Variants in WNT5B observed in about 807,000 individuals in gnomAD.
The protein encoded by WNT5B is Wnt family member 5B.
WNT5B carries 18 observed loss-of-function variants against 36.5 expected under a neutral mutation model. That is an observed-to-expected ratio of 0.49 (90% CI 0.34 to 0.73). WNT5B has a LOEUF of 0.73. WNT5B is among the 30% of genes least tolerant of loss of function. The pLI is 0.01. For synonymous variants in WNT5B, 213 were observed against 212.3 expected (o/e 1.00, Z -0.03); for missense variants, 424 against 508.4 (o/e 0.83, Z 1.60).
At chr12:1,620,577 C>T (rs1367579989) in intron 1 of WNT5B, among the ~76,000 whole-genome samples, 2 of 150,692 alleles carry the variant, frequency 1.3e-5, no homozygotes, top group East Asian at 3.9e-4. Context: ...CTCAGTTTGT[C>T]ACACAGGCTG....
intron 4 of WNT5B, among the ~76,000 whole-genome samples, chr12:1,645,526 G>C (rs1160789585): frequency 6.6e-6 from 1 of 152,256 alleles, no homozygotes; most frequent in Non-Finnish European, 1.5e-5. Context: ...AACCAGTAGA[G>C]TAGAAAGTGA....
At position 1,633,053 on chromosome 12, in the gene WNT5B, A is replaced by G. The variant is rs2094554028; in HGVS notation, c.328+148A>G. 1 of 1,196,310 alleles carries G rather than the reference A, an allele frequency of 8.4e-7. No individual in the cohort carries two copies. Among genetic ancestry groups the G allele is most frequent in the Non-Finnish European group, 1.1e-6 (1 of 878,116 alleles). 74.1% of individuals were successfully genotyped at this position (1,196,310 alleles called of 1,614,324 possible). ...GCTTGGCAGCAGTGTGCACCACGAG[A>G]GAGGCACACGAGGAAGCAGGCTCTG... On this transcript the variant is annotated intron_variant, in intron 3 of 4. Transcript: ENST00000397196. This position sits in a 1 kb window ranked among gnomAD's most constrained non-coding sequence, Gnocchi z 4.8.
Position 1,623,187 on chromosome 12 carries a change from G to GTTGT in WNT5B, c.-58+6046_-58+6047insGTTT, listed in dbSNP as rs1555156806. Reference sequence around the variant, plus strand: ...GGAAACCTTTGAAGGGTTTTTTGTTGTTTTTTTTTTTTTTTTTTTTTTTTT... The same window carrying GTTGT: ...GGAAACCTTTGAAGGGTTTTTTGTTGTTGTTTTTTTTTTTTTTTTTTTTTTTTTT... On this transcript the variant is annotated intron_variant, in intron 1 of 4. Transcript: ENST00000310594. Among the ~76,000 whole-genome samples the GTTGT allele has an allele frequency of 5.8e-4, 34 of 58,378 alleles. 2 individuals carry two copies. The highest frequency in any genetic ancestry group is 2.2e-3 in the African/African-American group (30 of 13,898). The allele number at this position is 58,378 out of a possible 152,430, so 38.3% of individuals were successfully genotyped here. A position where few individuals can be genotyped will look rare whatever the true frequency, so the allele number is the denominator to read the frequency against.
At chr12:1,624,377 CAAAAAAAAAAAA>C (rs34209948), upstream of WNT5B, among the ~76,000 whole-genome samples, 4 of 78,228 alleles carry the variant, frequency 5.1e-5, no homozygotes, top group South Asian at 5.0e-4. Context: ...GACTCTGTCT[CAAAAAAAAAAAA>C]AAAAAAAAAA....
At chr12:1,619,445 G>C (rs2094530949) in intron 1 of WNT5B, among the ~76,000 whole-genome samples, 1 of 152,160 alleles carries the variant, frequency 6.6e-6, no homozygotes, top group African/African-American at 2.4e-5. Context: ...GCAGGGAAAG[G>C]CTGTGTTAAT....
At chr12:1,629,995 C>T (rs1241428744) in intron 1 of WNT5B, 1 of 428,588 alleles carries the variant, frequency 2.3e-6, no homozygotes, top group African/African-American at 2.1e-5. Context: ...GTTGGTGCCC[C>T]CGCCCCAGCC....
intron 4 of WNT5B, among the ~76,000 whole-genome samples, chr12:1,642,193 G>T (rs56369812): frequency 0.014 from 2,161 of 152,326 alleles, 44 homozygotes; most frequent in African/African-American, 0.047. Context: ...GAGCCACCCG[G>T]TCTCTCAGGT....
chr12:1,623,358 G>A (rs2154439311), intron 1 of WNT5B, among the ~76,000 whole-genome samples: 1 of 151,138 alleles, frequency 6.6e-6, no homozygotes, highest in South Asian at 2.1e-4. Context: ...ACCACACCCA[G>A]CTAATTTTTT....
At position 1,639,860 on chromosome 12, in the gene WNT5B, TA is replaced by T; in HGVS notation, c.506del (p.Tyr169SerfsTer29). The T allele has an allele frequency of 6.2e-7, 1 of 1,614,024 alleles. No homozygotes were observed. The highest frequency in any genetic ancestry group is 8.5e-7 in the Non-Finnish European group (1 of 1,179,930). ...CTGTGGGGACAACGTGGAGTACGGCTACCGCTTCGCCAAGGAGTTTGTGGAT... is the reference window on the plus strand; with the variant it reads ...CTGTGGGGACAACGTGGAGTACGGCTCCGCTTCGCCAAGGAGTTTGTGGAT... ...GGCGDNVEYG[Y>X]RFAKEFVDAR... On this transcript the variant is annotated frameshift_variant, in exon 4 of 5. Transcript: ENST00000397196. LOFTEE classifies it high-confidence loss of function.
chr12:1,630,846 A>G lies in WNT5B; in HGVS notation c.-57-452A>G, dbSNP rs1203049878. 6.5e-6 allele frequency: 1 copy of G among 153,618 alleles called. No individual in the cohort carries two copies. Among genetic ancestry groups the G allele is most frequent in the Non-Finnish European group, 1.5e-5 (1 of 68,932 alleles). 9.5% of individuals were successfully genotyped at this position (153,618 alleles called of 1,614,324 possible). A position where few individuals can be genotyped will look rare whatever the true frequency, so the allele number is the denominator to read the frequency against. ...AAAATGTTTTAATCCTACAAAGGAG[A>G]GCCTGAGGGTCAGAGAAATAAGTCT... On this transcript the variant is annotated intron_variant, in intron 1 of 4. Coordinates refer to ENST00000397196, the MANE Select transcript of WNT5B (RefSeq NM_032642.3). This position sits in a 1 kb window ranked among gnomAD's most constrained non-coding sequence, Gnocchi z 5.3.
chr12:1,634,764 T>C (rs2094557446), intron 3 of WNT5B, among the ~76,000 whole-genome samples: 1 of 152,166 alleles, frequency 6.6e-6, no homozygotes, highest in African/African-American at 2.4e-5. Flanking sequence ...CCTTTGAAGC[T>C]GCTGCAAAAG....
chr12:1,619,473 T>C (rs998295833), intron 1 of WNT5B, among the ~76,000 whole-genome samples: 1 of 152,202 alleles, frequency 6.6e-6, no homozygotes, highest in African/African-American at 2.4e-5. Context: ...AGAAGAAAGA[T>C]GAGCATCCGG....
intron 1 of WNT5B, chr12:1,629,842 G>A (rs1485020609): frequency 6.0e-5 from 9 of 150,878 alleles, no homozygotes; most frequent in African/African-American, 2.0e-4. Flanking sequence ...CTCCAGAGGA[G>A]GGGGGGTCTG....
intron 3 of WNT5B, among the ~76,000 whole-genome samples, chr12:1,638,275 C>T (rs777749952): frequency 1.3e-5 from 2 of 152,166 alleles, no homozygotes; most frequent in African/African-American, 4.8e-5. Flanking sequence ...AACAAAAAAA[C>T]ACAACACCTG....
Position 1,645,986 on chromosome 12 carries a change from C to T in WNT5B, c.814C>T (p.Gln272Ter). The change falls in exon 5 of 5, where the codon CAG (glutamine) becomes TAG (stop). Residue 272 changes from glutamine (Q) to a stop codon, truncating the protein, a stop_gained. Transcript: ENST00000397196. LOFTEE classifies it high-confidence loss of function. ...GGAGCTGGTCAACAGCCGCTTCACC[C>T]AGCCCACCCCGGAGGACCTGGTCTA... ...RLELVNSRFTQPTPEDLVYVD... is the reference protein window; with the variant it reads ...RLELVNSRFT The T allele has an allele frequency of 6.2e-7, 1 of 1,611,608 alleles. No homozygotes were observed. The highest frequency in any genetic ancestry group is 1.7e-5 in the Admixed American group (1 of 60,014).
At chr12:1,636,310 C>T (rs980480546) in intron 3 of WNT5B, among the ~76,000 whole-genome samples, 8 of 151,778 alleles carry the variant, frequency 5.3e-5, no homozygotes, top group Non-Finnish European at 2.9e-5. Flanking sequence ...CACAGAGAAA[C>T]TGCACACCCG....
At position 1,618,606 on chromosome 12, in the gene WNT5B, A is replaced by G. The variant is rs930204478; in HGVS notation, c.-58+1463A>G. ...ACACTTCTGCCTTCTTTTCTAGAGC[A>G]TATTTTAAAACTATTTTATTAGTAT... On this transcript the variant is annotated intron_variant, in intron 1 of 4. Transcript: ENST00000310594. The surrounding 1 kb of genome is among the most constrained non-coding windows in gnomAD (Gnocchi z 4.1). Among the ~76,000 whole-genome samples, 1 of 152,210 alleles carries G rather than the reference A, an allele frequency of 6.6e-6. No individual in the cohort carries two copies. The highest frequency in any genetic ancestry group is 1.5e-5 in the Non-Finnish European group (1 of 68,038).
rs905132158 is a variant in WNT5B, at chr12:1,633,548, G to C, written c.328+643G>C. The stretch of plus-strand genomic sequence containing the variant: ...TCCCACTGCTGGCCAAGGATTCTTG[G>C]GCCACCCTATTGCTTAGATGGAGGT... On this transcript the variant is annotated intron_variant, in intron 3 of 4. Coordinates refer to ENST00000397196, the MANE Select transcript of WNT5B (RefSeq NM_032642.3). The surrounding 1 kb of genome is among the most constrained non-coding windows in gnomAD (Gnocchi z 4.8). Among the ~76,000 whole-genome samples the C allele has an allele frequency of 6.6e-6, 1 of 151,882 alleles. No individual in the cohort carries two copies. Among genetic ancestry groups the C allele is most frequent in the African/African-American group, 2.4e-5 (1 of 41,396 alleles).
chr12:1,645,695 C>T lies in WNT5B; in HGVS notation c.622-99C>T, dbSNP rs543389269. 188 of 1,113,104 alleles carry T rather than the reference C, an allele frequency of 1.7e-4. 2 individuals carry two copies. In the East Asian group the frequency reaches 3.8e-3, roughly 23 times the overall value. The allele number at this position is 1,113,104 out of a possible 1,614,324, so 69.0% of individuals were successfully genotyped here. A position where few individuals can be genotyped will look rare whatever the true frequency, so the allele number is the denominator to read the frequency against. On this transcript the variant is annotated intron_variant, in intron 4 of 4. Coordinates refer to ENST00000397196, the MANE Select transcript of WNT5B (RefSeq NM_032642.3). Reference sequence around the variant, plus strand: ...AAAAGCTATCTATCCCCTACCCTACCGGCCCCTCCTGTGTACTAGGCCTGT... The same window carrying T: ...AAAAGCTATCTATCCCCTACCCTACTGGCCCCTCCTGTGTACTAGGCCTGT...
Sources: gnomAD v4.1 joint callset for allele counts (sites outside exome capture counted in the v4.1 genomes callset) on GRCh38, gnomAD v4.1.1 for gene constraint, Gnocchi (gnomAD v3.1) non-coding constraint, MANE v1.5 for transcripts, NCBI Gene and HGNC (gene_info 2026-07-23, HGNC 2026-07-21) for gene names.